ITSN1: variants seen among roughly 807,000 people sequenced by gnomAD.
ITSN1 encodes the protein intersectin 1, also known as intersectin-1.
A neutral mutation model predicts 239.8 loss-of-function variants in ITSN1; 58 were observed. The ratio of observed to expected loss-of-function variants is 0.24; its 90% CI spans 0.20 to 0.30. The LOEUF is 0.30. Among genes scored for constraint, ITSN1 ranks in the 10% least tolerant of loss-of-function variants. The pLI is 1.00. For synonymous variants in ITSN1, 780 were observed against 770.8 expected, an observed-to-expected ratio of 1.01 and a Z score of -0.20; for missense variants, 1,558 against 2,103.3, an observed-to-expected ratio of 0.74 and a Z score of 5.07.
chr21:33,808,019 A>G (rs2072596045), intron 20 of ITSN1, among the ~76,000 whole-genome samples: 2 of 151,264 alleles, frequency 1.3e-5, no homozygotes, highest in South Asian at 4.2e-4. Context: ...CCCCGTCTCT[A>G]CTAAAAATAC....
chr21:33,689,788 T>C (rs1480711288), intron 1 of ITSN1, among the ~76,000 whole-genome samples: 1 of 151,706 alleles, frequency 6.6e-6, no homozygotes, highest in Non-Finnish European at 1.5e-5. Context: ...GCCAACATAG[T>C]GAAACCCTGT....
chr21:33,652,997 C>CTT (rs774663981), intron 1 of ITSN1, among the ~76,000 whole-genome samples: 30 of 137,070 alleles, frequency 2.2e-4, no homozygotes, highest in African/African-American at 7.2e-4. Flanking sequence ...CTGGGAAGTT[C>CTT]TTTTTTTTTT....
At chr21:33,696,452 A>C (rs2091796615) in intron 1 of ITSN1, among the ~76,000 whole-genome samples, 1 of 152,252 alleles carries the variant, frequency 6.6e-6, no homozygotes, top group Admixed American at 6.5e-5. Context: ...AAAGCTGTGA[A>C]GATGTCATAC....
intron 8 of ITSN1, among the ~76,000 whole-genome samples, chr21:33,759,276 C>T (rs1230079775): frequency 6.6e-6 from 1 of 152,112 alleles, no homozygotes; most frequent in Non-Finnish European, 1.5e-5. Context: ...TTTACCAATC[C>T]CTGTTGTAGA....
At chr21:33,827,048 TC>T (rs2074011229) in intron 26 of ITSN1, among the ~76,000 whole-genome samples, 185 bp downstream of exon 26, 1 of 152,238 alleles carries the variant, frequency 6.6e-6, no homozygotes, top group Admixed American at 6.5e-5. Flanking sequence ...GTCTGTTGCT[TC>T]ACACATGAAG....
chr21:33,781,457 C>A lies in ITSN1; in HGVS notation c.1597-4C>A. The A allele has an allele frequency of 6.5e-7, 1 of 1,546,278 alleles. No homozygotes were observed. Among genetic ancestry groups the A allele is most frequent in the Non-Finnish European group, 8.9e-7 (1 of 1,124,286 alleles). On this transcript the variant is annotated splice_polypyrimidine_tract_variant and splice_region_variant and intron_variant, in intron 14 of 39. Coordinates refer to ENST00000381318, the MANE Select transcript of ITSN1 (RefSeq NM_003024.3). ...TCATTACTATTTTCCTCCTTCCTTC[C>A]CAGGAATCTCAGCAAATGCTTGGAA...
At chr21:33,790,301 TGTA>T (rs2071012844) in intron 16 of ITSN1, among the ~76,000 whole-genome samples, 1 of 147,954 alleles carries the variant, frequency 6.8e-6, no homozygotes, top group East Asian at 1.9e-4. Flanking sequence ...AATATATGTG[TGTA>T]GTATATATAC....
At position 33,802,464 on chromosome 21, in the gene ITSN1, C is replaced by A; in HGVS notation, c.2319+20C>A. On this transcript the variant is annotated intron_variant, in intron 20 of 39. Coordinates refer to ENST00000381318, the MANE Select transcript of ITSN1 (RefSeq NM_003024.3). Reference sequence around the variant, plus strand: ...GAATGGGTAAGTGTTGCCTAACTGTCAGGAAGTCTGCATCTTATTCAATGT... The same window carrying A: ...GAATGGGTAAGTGTTGCCTAACTGTAAGGAAGTCTGCATCTTATTCAATGT... The A allele has an allele frequency of 6.2e-7, 1 of 1,612,772 alleles. No individual in the cohort carries two copies. The highest frequency in any genetic ancestry group is 1.1e-5 in the South Asian group (1 of 90,918).
intron 1 of ITSN1, among the ~76,000 whole-genome samples, chr21:33,693,281 C>T (rs890266699): frequency 5.9e-5 from 9 of 151,768 alleles, no homozygotes; most frequent in African/African-American, 2.2e-4. Context: ...AGTCTTGATA[C>T]CTTTTGTATT....
rs537381878 is a variant in ITSN1 at position 33,875,830 on chromosome 21, G to A, written c.4341+309G>A. ...TGAATAGCTGGGACTACAGGCACACGCCACTACACCCGGCTAATTTTTGTA... is the reference window on the plus strand; with the variant it reads ...TGAATAGCTGGGACTACAGGCACACACCACTACACCCGGCTAATTTTTGTA... On this transcript the variant is annotated intron_variant, in intron 34 of 39. Coordinates refer to ENST00000381318, the MANE Select transcript of ITSN1 (RefSeq NM_003024.3). Among the ~76,000 whole-genome samples, 10 of 152,216 alleles carry A rather than the reference G, an allele frequency of 6.6e-5. No individual in the cohort carries two copies. The East Asian group carries it at 1.5e-3, about 24-fold the overall frequency.
intron 4 of ITSN1, among the ~76,000 whole-genome samples, chr21:33,730,178 G>A (rs79458518): frequency 0.024 from 3,666 of 151,716 alleles, 160 homozygotes; most frequent in African/African-American, 0.083. Flanking sequence ...TCTAAAAACC[G>A]AAACTAACAA....
At chr21:33,696,102 TG>T (rs2146734404) in intron 1 of ITSN1, among the ~76,000 whole-genome samples, 1 of 152,308 alleles carries the variant, frequency 6.6e-6, no homozygotes, top group East Asian at 1.9e-4. Flanking sequence ...AGAGCGCAGT[TG>T]GTTTTTGTTA....
intron 29 of ITSN1, chr21:33,838,514 G>A (rs1013142324): frequency 2.1e-6 from 2 of 961,800 alleles, no homozygotes; most frequent in Non-Finnish European, 2.5e-6. Flanking sequence ...AAATGTCTCT[G>A]TGTTCTTGAT....
chr21:33,745,744 G>A (rs553691694), intron 5 of ITSN1, among the ~76,000 whole-genome samples: 2 of 152,304 alleles, frequency 1.3e-5, no homozygotes, highest in Admixed American at 1.3e-4. Flanking sequence ...CAGAAGAGCA[G>A]GTATGACCAG....
chr21:33,831,347 C>T (rs185396965), intron 27 of ITSN1, among the ~76,000 whole-genome samples: 25 of 152,268 alleles, frequency 1.6e-4, no homozygotes, highest in Admixed American at 4.6e-4. Flanking sequence ...CTCAGTAAGG[C>T]TTGAACGGAT....
At chr21:33,728,598 C>T (rs1401739031) in intron 4 of ITSN1, among the ~76,000 whole-genome samples, 4 of 152,116 alleles carry the variant, frequency 2.6e-5, no homozygotes, top group Non-Finnish European at 4.4e-5. Flanking sequence ...TTTCCTCTTC[C>T]TATAATTCAG....
At chr21:33,810,100 A>G (rs1043807502) in intron 20 of ITSN1, among the ~76,000 whole-genome samples, 9 of 152,078 alleles carry the variant, frequency 5.9e-5, no homozygotes, top group Admixed American at 5.2e-4. Flanking sequence ...CCCAAAAATA[A>G]ATTTCCCAAT....
chr21:33,722,313 T>C (rs1355597545), intron 3 of ITSN1, among the ~76,000 whole-genome samples: 4 of 152,254 alleles, frequency 2.6e-5, no homozygotes, highest in East Asian at 1.9e-4. Flanking sequence ...GGGTAGCTGT[T>C]CATATCTTAG....
intron 32 of ITSN1, among the ~76,000 whole-genome samples, chr21:33,866,887 G>C (rs1012975076): frequency 3.3e-5 from 5 of 151,052 alleles, no homozygotes; most frequent in African/African-American, 1.2e-4. Flanking sequence ...CTTGTTCCTG[G>C]GAATGTTATA....
Sources: gnomAD v4.1 joint callset for allele counts (sites outside exome capture counted in the v4.1 genomes callset) on GRCh38, gnomAD v4.1.1 for gene constraint, MANE v1.5 for transcripts, NCBI Gene and HGNC (gene_info 2026-07-23, HGNC 2026-07-21) for gene names.